POLA2: variants seen among roughly 807,000 people sequenced by gnomAD.
POLA2 encodes DNA polymerase alpha subunit B.
In POLA2, 47 loss-of-function variants were observed where a neutral mutation model predicts 82.8. That is an observed-to-expected ratio of 0.57 (90% CI 0.45 to 0.72). The LOEUF is 0.72. Among genes scored for constraint, POLA2 ranks in the 30% least tolerant of loss-of-function variants. POLA2 has a pLI of 0.00. For synonymous variants in POLA2, 287 were observed against 286.8 expected, an observed-to-expected ratio of 1.00 and a Z score of -0.01; for missense variants, 634 against 728.1, an observed-to-expected ratio of 0.87 and a Z score of 1.49.
At chr11:65,303,422 T>C (rs927198410), downstream of POLA2, among the ~76,000 whole-genome samples, 3 of 151,166 alleles carry the variant, frequency 2.0e-5, no homozygotes, top group Admixed American at 6.6e-5. Context: ...TTTGGGAGGC[T>C]GAGGCAGGAA....
intron 17 of POLA2, among the ~76,000 whole-genome samples, chr11:65,296,776 A>G (rs1949814870): frequency 6.6e-6 from 1 of 151,944 alleles, no homozygotes; most frequent in Non-Finnish European, 1.5e-5. Flanking sequence ...GTAAAACCCC[A>G]TCTCTACTAA....
chr11:65,289,199 G>A, intron 12 of POLA2, 111 bp downstream of exon 12: 1 of 785,190 alleles, frequency 1.3e-6, no homozygotes, highest in Non-Finnish European at 2.1e-6. Context: ...TAAGTCCTGT[G>A]GCTAATCAGA....
intron 3 of POLA2, among the ~76,000 whole-genome samples, chr11:65,268,423 C>T (rs544838872): frequency 1.9e-3 from 292 of 151,260 alleles, no homozygotes; most frequent in African/African-American, 6.9e-3. Flanking sequence ...GTGATCTCAG[C>T]TCACTGCAAG....
chr11:65,291,595 G>T (rs1473668709), intron 13 of POLA2, among the ~76,000 whole-genome samples: 1 of 152,232 alleles, frequency 6.6e-6, no homozygotes, highest in Non-Finnish European at 1.5e-5. Flanking sequence ...CAAAACACAG[G>T]AGCAGGGCTG....
intron 10 of POLA2, among the ~76,000 whole-genome samples, chr11:65,284,405 C>T (rs1949673205): frequency 6.6e-6 from 1 of 152,044 alleles, no homozygotes; most frequent in Admixed American, 6.6e-5. Flanking sequence ...TTGCTTGAGC[C>T]CAGGAAGTCA....
chr11:65,294,004 GTC>G, intron 13 of POLA2, 147 bp from the exon 14 acceptor site: 1 of 732,210 alleles, frequency 1.4e-6, no homozygotes, highest in Admixed American at 2.0e-5. Flanking sequence ...GGGAAACAGC[GTC>G]TCTGTTCATA....
chr11:65,270,316 G>A (rs1045811805), intron 4 of POLA2, among the ~76,000 whole-genome samples: 2 of 152,140 alleles, frequency 1.3e-5, no homozygotes, highest in South Asian at 2.1e-4. Flanking sequence ...AGATCATGCC[G>A]CTGCTCTACA....
In POLA2 at chr11:65,288,951, G is replaced by A. The variant is rs1044684807; in HGVS notation, c.1132-99G>A. On this transcript the variant is annotated intron_variant, in intron 11 of 17. Transcript: ENST00000265465. Reference sequence around the variant, plus strand: ...CAGGCAGCCTTGGAGGGACAGATGAGCCCTCCACAGAGAACTGCCAGAGGA... The same window carrying A: ...CAGGCAGCCTTGGAGGGACAGATGAACCCTCCACAGAGAACTGCCAGAGGA... 4 of 1,113,470 alleles carry A rather than the reference G, an allele frequency of 3.6e-6. No homozygotes were observed. The African/African-American group carries it at 6.1e-5, about 17-fold the overall frequency. 69.0% of individuals were successfully genotyped at this position (1,113,470 alleles called of 1,614,324 possible).
downstream of POLA2, among the ~76,000 whole-genome samples, chr11:65,302,726 ATTTT>A (rs538549217): frequency 6.7e-6 from 1 of 148,208 alleles, no homozygotes; most frequent in Non-Finnish European, 1.5e-5. Context: ...ACCTGTTTGA[ATTTT>A]TTTTTTTATT....
chr11:65,269,829 T>TTTG (rs528893207), intron 4 of POLA2, among the ~76,000 whole-genome samples: 18 of 152,170 alleles, frequency 1.2e-4, no homozygotes, highest in African/African-American at 2.2e-4. Flanking sequence ...ATTATTCTTT[T>TTTG]TTGTTGTTGT....
chr11:65,274,985 C>G (rs1949561426), intron 4 of POLA2, among the ~76,000 whole-genome samples: 3 of 151,992 alleles, frequency 2.0e-5, no homozygotes, highest in Non-Finnish European at 2.9e-5. Flanking sequence ...GAGCCACCAC[C>G]CCTGGCCTAG....
intron 13 of POLA2, 74 bp from the exon 14 acceptor site, chr11:65,294,079 A>C: frequency 7.8e-7 from 1 of 1,289,452 alleles, no homozygotes; most frequent in Non-Finnish European, 1.1e-6. Flanking sequence ...GAGGCATCCC[A>C]CCTGTTGCGC....
downstream of POLA2, among the ~76,000 whole-genome samples, chr11:65,301,324 C>G (rs1949858325): frequency 6.6e-6 from 1 of 152,118 alleles, no homozygotes; most frequent in African/African-American, 2.4e-5. Context: ...GGGTTTGCCT[C>G]CCACCCCCTG....
intron 8 of POLA2, chr11:65,305,228 C>G: frequency 2.5e-6 from 1 of 392,576 alleles, no homozygotes; most frequent in East Asian, 7.3e-5. Context: ...CAAAGCTGCC[C>G]GGCACCACCT....
chr11:65,262,385 C>A lies in POLA2; in HGVS notation c.79+14C>A. 6.2e-7 allele frequency: 1 copy of A among 1,602,492 alleles called. No individual in the cohort carries two copies. The highest frequency in any genetic ancestry group is 8.5e-7 in the Non-Finnish European group (1 of 1,172,626). ...TAATTGAGAAATGTGAGTCCCGCAC[C>A]CCTCCCGCCCTGCAGCCGTGCTCCA... On this transcript the variant is annotated intron_variant, in intron 1 of 17. Transcript: ENST00000265465.
chr11:65,296,310 C>T, intron 17 of POLA2: 2 of 259,136 alleles, frequency 7.7e-6, no homozygotes, highest in East Asian at 1.7e-4. Context: ...GTACACTTGC[C>T]TGTCCTCTGC....
In POLA2 at chr11:65,287,837, C is replaced by G. The variant is rs199986792; in HGVS notation, c.1128C>G (p.Ile376Met). 6.2e-7 allele frequency: 1 copy of G among 1,613,328 alleles called. No homozygotes were observed. Among genetic ancestry groups the G allele is most frequent in the Non-Finnish European group, 8.5e-7 (1 of 1,179,770 alleles). The change falls in exon 11 of 18, where the codon ATC becomes ATG. Residue 376 changes from isoleucine (I) to methionine (M), a missense_variant. By Grantham distance (10) the Ile-to-Met change is conservative (BLOSUM62 1). Coordinates refer to ENST00000265465, the MANE Select transcript of POLA2 (RefSeq NM_002689.4). Reference protein sequence around the residue: ...VINHDRPDVCILFGPFLDAKH... With the variant: ...VINHDRPDVCMLFGPFLDAKH... ...ACCATGACCGGCCAGATGTCTGCAT[C>G]CTGGTAAGAGGCACCAGTGGGAAAG... is the stretch of plus-strand genomic sequence containing the variant.
chr11:65,287,572 T>C (rs892847169), intron 10 of POLA2, 144 bp from the exon 11 acceptor site: 1 of 616,190 alleles, frequency 1.6e-6, no homozygotes, highest in Non-Finnish European at 2.8e-6. Context: ...GGACATGAGG[T>C]CTTCCTTACC....
intron 4 of POLA2, among the ~76,000 whole-genome samples, chr11:65,275,196 C>G (rs1590896521): frequency 6.6e-6 from 1 of 152,088 alleles, no homozygotes; most frequent in Admixed American, 6.6e-5. Flanking sequence ...CCAGGAGGAG[C>G]CCTAGGGCAG....
Sources: allele counts gnomAD v4.1 joint callset (sites outside exome capture counted in the v4.1 genomes callset), GRCh38; gene constraint gnomAD v4.1.1; transcripts MANE v1.5; gene names NCBI Gene and HGNC (gene_info 2026-07-23, HGNC 2026-07-21).